GALNT14: variants seen among roughly 807,000 people sequenced by gnomAD.
GALNT14 encodes the protein UDP-GalNAc:polypeptide N-acetylgalactosaminyltransferase 14.
In GALNT14, 60 loss-of-function variants were observed where a neutral mutation model predicts 77.5. The observed-to-expected ratio is 0.77, with a 90% CI of 0.63 to 0.96. The LOEUF is 0.96. Among genes scored for constraint, GALNT14 ranks in the 40% least tolerant of loss-of-function variants. GALNT14 has a pLI of 0.00. For missense variants in GALNT14, 710 were observed against 731.0 expected (o/e 0.97, Z 0.33); for synonymous variants, 280 against 281.7 (o/e 0.99, Z 0.06).
intron 2 of GALNT14, among the ~76,000 whole-genome samples, chr2:30,971,244 ATGGAAAACCC>A (rs1200697282): frequency 6.6e-6 from 1 of 152,174 alleles, no homozygotes; most frequent in African/African-American, 2.4e-5. Context: ...GCACGAGGGA[ATGGAAAACCC>A]TGCCAACACT....
chr2:31,090,481 C>CTTTT (rs70962302), intron 1 of GALNT14, among the ~76,000 whole-genome samples: 3 of 93,242 alleles, frequency 3.2e-5, no homozygotes, highest in South Asian at 4.0e-4. Flanking sequence ...GTCCCTTCAT[C>CTTTT]TTTTTTTTTT....
rs183025925 is a variant in GALNT14 at position 31,074,925 on chromosome 2, T to A, written c.129+63033A>T. 2.0e-5 allele frequency among the ~76,000 whole-genome samples: 3 copies of A among 152,284 alleles called. No homozygotes were observed. In the East Asian group the frequency reaches 5.8e-4, roughly 29 times the overall value. ...GGCAACAGGATCTAGGATGTGACTG[T>A]GGTTTTGCCCATGGATCTTAATATG... On this transcript the variant is annotated intron_variant, in intron 1 of 14. Transcript: ENST00000349752.
chr2:30,934,449 G>C (rs1360615435), intron 9 of GALNT14, among the ~76,000 whole-genome samples: 2 of 152,172 alleles, frequency 1.3e-5, no homozygotes, highest in Admixed American at 6.5e-5. Flanking sequence ...TTCTTCTAAA[G>C]ATATGTACGG....
chr2:30,927,118 C>A (rs1452682248), intron 11 of GALNT14, among the ~76,000 whole-genome samples: 1 of 152,096 alleles, frequency 6.6e-6, no homozygotes, highest in African/African-American at 2.4e-5. Context: ...AGGGCAAAGC[C>A]CCCTAAGGAG....
chr2:31,067,436 C>A (rs1473195849), intron 1 of GALNT14, among the ~76,000 whole-genome samples: 1 of 152,094 alleles, frequency 6.6e-6, no homozygotes, highest in South Asian at 2.1e-4. Flanking sequence ...GCTGTCTTCA[C>A]GACATCCCCG....
chr2:30,914,018 G>C (rs1343100247), intron 13 of GALNT14, among the ~76,000 whole-genome samples: 1 of 152,160 alleles, frequency 6.6e-6, no homozygotes, highest in Non-Finnish European at 1.5e-5. Flanking sequence ...AGCTGAAAGG[G>C]GAAACAAGTC....
chr2:30,995,131 TGTGTG>T (rs1398435583), intron 1 of GALNT14, among the ~76,000 whole-genome samples: 3 of 2,004 alleles, frequency 1.5e-3, no homozygotes, highest in East Asian at 0.036. Flanking sequence ...GAACCAATGT[TGTGTG>T]TGTGTGTGTG....
the GALNT14 span, among the ~76,000 whole-genome samples, chr2:30,899,898 G>C: frequency 6.6e-6 from 1 of 152,184 alleles, no homozygotes; most frequent in Non-Finnish European, 1.5e-5. Context: ...GTGGGGCGTC[G>C]CAGAGGTCAC....
At chr2:30,895,906 T>C in the GALNT14 span, among the ~76,000 whole-genome samples, 1 of 152,202 alleles carries the variant, frequency 6.6e-6, no homozygotes, top group Non-Finnish European at 1.5e-5. Flanking sequence ...AAATATTTAT[T>C]GCTCAGTGAT....
intron 1 of GALNT14, among the ~76,000 whole-genome samples, chr2:31,047,377 C>T (rs999418822): frequency 4.6e-5 from 7 of 152,132 alleles, no homozygotes; most frequent in African/African-American, 1.7e-4. Context: ...CTAATTCATC[C>T]CAAGCCTCAG....
chr2:30,889,343 T>C, the GALNT14 span, among the ~76,000 whole-genome samples: 1 of 152,146 alleles, frequency 6.6e-6, no homozygotes, highest in Non-Finnish European at 1.5e-5. Flanking sequence ...ATAATGGAAC[T>C]TGGAACAGCT....
chr2:31,003,141 T>C (rs530590377), intron 1 of GALNT14, among the ~76,000 whole-genome samples: 2 of 152,336 alleles, frequency 1.3e-5, no homozygotes, highest in Non-Finnish European at 2.9e-5. Flanking sequence ...TCTCCTTCTC[T>C]TTAGTATTCA....
chr2:31,066,058 A>G (rs1674933541), intron 1 of GALNT14, among the ~76,000 whole-genome samples: 1 of 152,186 alleles, frequency 6.6e-6, no homozygotes, highest in Admixed American at 6.5e-5. Flanking sequence ...CCTCGCCTAC[A>G]GGGCTGATAT....
rs192572489 is a variant in GALNT14 at position 30,962,511 on chromosome 2, G to A, written c.398+3693C>T. 1.6e-3 allele frequency among the ~76,000 whole-genome samples: 239 copies of A among 152,360 alleles called. 7 individuals are homozygous for A. In the South Asian group the frequency reaches 0.029, roughly 18 times the overall value. Reference sequence around the variant, plus strand: ...GATGCCCCAAAAGGAAGGTGACAGCGCTGGGTCTCCCATAAACATGCAGAC... The same window carrying A: ...GATGCCCCAAAAGGAAGGTGACAGCACTGGGTCTCCCATAAACATGCAGAC... On this transcript the variant is annotated intron_variant, in intron 3 of 14. Transcript: ENST00000349752.
chr2:30,988,527 C>A (rs376435959), intron 2 of GALNT14, among the ~76,000 whole-genome samples: 84 of 152,264 alleles, frequency 5.5e-4, no homozygotes, highest in African/African-American at 1.8e-3. Flanking sequence ...CTCCGCAGAG[C>A]CCGAGACAGA....
At chr2:30,971,060 C>A (rs1023872488) in intron 2 of GALNT14, among the ~76,000 whole-genome samples, 1 of 152,116 alleles carries the variant, frequency 6.6e-6, no homozygotes, top group Non-Finnish European at 1.5e-5. Flanking sequence ...GCCCTACACA[C>A]GAGTCATCTG....
the GALNT14 span, among the ~76,000 whole-genome samples, chr2:30,903,007 T>C: frequency 6.6e-6 from 1 of 152,140 alleles, no homozygotes; most frequent in Non-Finnish European, 1.5e-5. Flanking sequence ...GATGGCTTGA[T>C]TTACCCATGA....
chr2:31,043,639 A>T (rs566842380), intron 1 of GALNT14, among the ~76,000 whole-genome samples: 1 of 150,516 alleles, frequency 6.6e-6, no homozygotes, highest in East Asian at 2.0e-4. Flanking sequence ...CCATATTACA[A>T]GGAAGGGATG....
intron 1 of GALNT14, among the ~76,000 whole-genome samples, chr2:31,066,756 C>A (rs183596850): frequency 6.6e-6 from 1 of 152,110 alleles, no homozygotes; most frequent in Non-Finnish European, 1.5e-5. Context: ...TGAGAGCACC[C>A]CCCACCCCCC....
Sources: gnomAD v4.1 joint callset for allele counts (sites outside exome capture counted in the v4.1 genomes callset) on GRCh38, gnomAD v4.1.1 for gene constraint, MANE v1.5 for transcripts, NCBI Gene and HGNC (gene_info 2026-07-23, HGNC 2026-07-21) for gene names.